Variants in ANKRD17 observed in about 807,000 individuals in gnomAD.
ANKRD17 encodes the protein ankyrin repeat domain 17.
ANKRD17 carries 19 observed loss-of-function variants against 229.7 expected under a neutral mutation model. The observed-to-expected ratio is 0.08, with a 90% CI of 0.06 to 0.12. ANKRD17 has a LOEUF of 0.12. Among genes scored for constraint, ANKRD17 ranks in the 10% least tolerant of loss-of-function variants. The pLI is 1.00. For synonymous variants in ANKRD17, 1,112 were observed against 1,146.1 expected (o/e 0.97, Z 0.60); for missense variants, 2,176 against 3,176.8 (o/e 0.68, Z 7.57).
At position 73,184,190 on chromosome 4, in the gene ANKRD17, C is replaced by T. The variant is rs533364750; in HGVS notation, c.394-6657G>A. 8.5e-5 allele frequency among the ~76,000 whole-genome samples: 13 copies of T among 152,172 alleles called. No individual in the cohort carries two copies. In the South Asian group the frequency reaches 2.1e-3, roughly 24 times the overall value. On this transcript the variant is annotated intron_variant, in intron 1 of 33. Transcript: ENST00000358602. ...ACTGCCATACTAGAGAAGAATGGTT[C>T]GTTCTGTAGTTTAATAAACTCGTAT...
chr4:73,146,706 A>G, intron 10 of ANKRD17, 58 bp downstream of exon 10: 1 of 1,251,166 alleles, frequency 8.0e-7, no homozygotes, highest in Non-Finnish European at 1.1e-6. Flanking sequence ...GACTCTCCAT[A>G]ATTTAAAATT....
rs112055659 is a variant in ANKRD17, at chr4:73,149,724, A to T, written c.1330-674T>A. Reference sequence around the variant, plus strand: ...TCTACAAAAAATACAAAAATTAGCCAGGCGTGGTGGTGTGCACTTCGTCCC... The same window carrying T: ...TCTACAAAAAATACAAAAATTAGCCTGGCGTGGTGGTGTGCACTTCGTCCC... On this transcript the variant is annotated intron_variant, in intron 7 of 33. Coordinates refer to ENST00000358602, the MANE Select transcript of ANKRD17 (RefSeq NM_032217.5). 1.9e-3 allele frequency among the ~76,000 whole-genome samples: 285 copies of T among 152,074 alleles called. 1 individual carries two copies. Among genetic ancestry groups the T allele is most frequent in the African/African-American group, 6.6e-3 (273 of 41,464 alleles).
chr4:73,122,242 A>C (rs2148704857), intron 18 of ANKRD17, among the ~76,000 whole-genome samples: 1 of 152,312 alleles, frequency 6.6e-6, no homozygotes, highest in South Asian at 2.1e-4. Context: ...TACATTCACT[A>C]CCTAGATTTT....
At position 73,258,777 on chromosome 4, in the gene ANKRD17, CA is replaced by C; in HGVS notation, c.-110del. ...CAGCAATCGGTGCCGCCTCCGCCGC[CA>C]CCGCCTCGGTCACCTCTACTGCCGC... On this transcript the variant is annotated 5_prime_UTR_variant, in exon 1 of 34. Transcript: ENST00000358602. 1 of 1,358,126 alleles carries C rather than the reference CA, an allele frequency of 7.4e-7. No individual in the cohort carries two copies. Among genetic ancestry groups the C allele is most frequent in the Non-Finnish European group, 9.4e-7 (1 of 1,064,912 alleles). 84.1% of individuals were successfully genotyped at this position (1,358,126 alleles called of 1,614,324 possible). A position where few individuals can be genotyped will look rare whatever the true frequency, so the allele number is the denominator to read the frequency against.
intron 1 of ANKRD17, among the ~76,000 whole-genome samples, chr4:73,244,070 A>C (rs953436779): frequency 1.3e-5 from 2 of 151,362 alleles, no homozygotes; most frequent in Non-Finnish European, 3.0e-5. Flanking sequence ...CTGTATCCCC[A>C]CATGGCCTTT....
intron 16 of ANKRD17, among the ~76,000 whole-genome samples, chr4:73,129,065 T>G (rs746188860): frequency 1.3e-5 from 2 of 152,188 alleles, no homozygotes; most frequent in Non-Finnish European, 2.9e-5. Context: ...AGAAGTTATA[T>G]TCCTTGTCAC....
At chr4:73,126,420 T>G (rs1578129524) in intron 16 of ANKRD17, among the ~76,000 whole-genome samples, 1 of 151,896 alleles carries the variant, frequency 6.6e-6, no homozygotes. Context: ...AGGGCCAAAT[T>G]AGCAGTTGTG....
intron 1 of ANKRD17, among the ~76,000 whole-genome samples, chr4:73,237,143 A>G (rs939613608): frequency 6.6e-6 from 1 of 152,180 alleles, no homozygotes; most frequent in Admixed American, 6.5e-5. Flanking sequence ...TAGTGAGGTC[A>G]GGAAGACCTT....
chr4:73,202,683 A>T (rs945164430), intron 1 of ANKRD17, among the ~76,000 whole-genome samples: 19 of 152,202 alleles, frequency 1.2e-4, no homozygotes, highest in Admixed American at 1.2e-3. Flanking sequence ...GATAAAGCTG[A>T]TTTTCAAGTA....
intron 1 of ANKRD17, among the ~76,000 whole-genome samples, chr4:73,194,516 A>C (rs1309785600): frequency 6.6e-6 from 1 of 152,164 alleles, no homozygotes; most frequent in East Asian, 1.9e-4. Flanking sequence ...CGTTTTGGTT[A>C]TTATAGGGCC....
At chr4:73,197,935 A>C (rs1387394274) in intron 1 of ANKRD17, among the ~76,000 whole-genome samples, 1 of 152,234 alleles carries the variant, frequency 6.6e-6, no homozygotes, top group African/African-American at 2.4e-5. Flanking sequence ...CTATGTTAGT[A>C]TACTTTATAT....
chr4:73,124,598 G>A (rs554447260), intron 18 of ANKRD17, among the ~76,000 whole-genome samples: 2 of 152,234 alleles, frequency 1.3e-5, no homozygotes, highest in South Asian at 4.2e-4. Flanking sequence ...TGTACTATAG[G>A]GCAGGCAAAG....
At chr4:73,146,111 A>AC (rs1730252196) in intron 10 of ANKRD17, among the ~76,000 whole-genome samples, 1 of 151,906 alleles carries the variant, frequency 6.6e-6, no homozygotes, top group Admixed American at 6.6e-5. Flanking sequence ...ATGCTTTCTT[A>AC]CCCCTCAGGC....
intron 3 of ANKRD17, among the ~76,000 whole-genome samples, chr4:73,160,156 T>G (rs1486268149): frequency 6.6e-6 from 1 of 151,960 alleles, no homozygotes; most frequent in Non-Finnish European, 1.5e-5. Context: ...GTAACATGTA[T>G]TAATGATTCT....
At chr4:73,229,762 G>GT (rs1560764417) in intron 1 of ANKRD17, among the ~76,000 whole-genome samples, 2 of 151,914 alleles carry the variant, frequency 1.3e-5, no homozygotes, top group Admixed American at 6.6e-5. Context: ...TATTTAATGG[G>GT]TTTTTTAACC....
chr4:73,184,827 T>G (rs1425388420), intron 1 of ANKRD17, among the ~76,000 whole-genome samples: 1 of 152,152 alleles, frequency 6.6e-6, no homozygotes, highest in Non-Finnish European at 1.5e-5. Flanking sequence ...CAATTATGAA[T>G]GAGAGTGCTA....
At chr4:73,211,860 A>C (rs1423735362) in intron 1 of ANKRD17, among the ~76,000 whole-genome samples, 1 of 151,972 alleles carries the variant, frequency 6.6e-6, no homozygotes, top group Non-Finnish European at 1.5e-5. Flanking sequence ...AAAAAAAAAA[A>C]AAAAAAAATC....
intron 1 of ANKRD17, among the ~76,000 whole-genome samples, chr4:73,218,080 T>C (rs1309213067): frequency 6.6e-6 from 1 of 152,194 alleles, no homozygotes; most frequent in East Asian, 1.9e-4. Flanking sequence ...TGCTGGTTTA[T>C]AGGTAAAAAT....
In ANKRD17 at chr4:73,135,042, A is replaced by T. The variant is rs1728716997; in HGVS notation, c.3234+75T>A. The T allele has an allele frequency of 4.8e-6, 7 of 1,449,128 alleles. No individual in the cohort carries two copies. In the South Asian group the frequency reaches 9.4e-5, roughly 19 times the overall value. The allele number at this position is 1,449,128 out of a possible 1,614,324, so 89.8% of individuals were successfully genotyped here. ...GACAAAGCAGTCTTTCATGGTTTAAATCTCTGAAAGTTAATGTTTTTAATT... is the reference window on the plus strand; with the variant it reads ...GACAAAGCAGTCTTTCATGGTTTAATTCTCTGAAAGTTAATGTTTTTAATT... On this transcript the variant is annotated intron_variant, in intron 16 of 33. Coordinates refer to ENST00000358602, the MANE Select transcript of ANKRD17 (RefSeq NM_032217.5).
Sources: gnomAD v4.1 joint callset for allele counts (sites outside exome capture counted in the v4.1 genomes callset) on GRCh38, gnomAD v4.1.1 for gene constraint, MANE v1.5 for transcripts, NCBI Gene and HGNC (gene_info 2026-07-23, HGNC 2026-07-21) for gene names.